Variants in BPNT2 observed in about 807,000 individuals in gnomAD.
BPNT2 encodes 3'(2'), 5'-bisphosphate nucleotidase 2, also known as Golgi-resident adenosine 3',5'-bisphosphate 3'-phosphatase.
In BPNT2, 11 loss-of-function variants were observed where a neutral mutation model predicts 29.3. The observed-to-expected ratio is 0.38, with a 90% confidence interval of 0.24 to 0.62. The LOEUF is 0.62. BPNT2 is among the 20% of genes least tolerant of loss of function. The pLI is 0.62. For missense variants in BPNT2, 459 were observed against 473.4 expected (o/e 0.97, Z 0.28); for synonymous variants, 195 against 187.7 (o/e 1.04, Z -0.32).
At position 56,988,923 on chromosome 8, in the gene BPNT2, C is replaced by G. The variant is rs547534530; in HGVS notation, c.387+4276G>C. On this transcript the variant is annotated intron_variant, in intron 1 of 4. Coordinates refer to ENST00000262644, the MANE Select transcript of BPNT2 (RefSeq NM_017813.5). ...AAAATTCTTTCACTTCCTTCTACAT[C>G]TATCTTCTCTACAACCATAACCCTA... Among the ~76,000 whole-genome samples the G allele has an allele frequency of 5.3e-5, 8 of 152,232 alleles. No homozygotes were observed. In the South Asian group the frequency reaches 1.5e-3, roughly 28 times the overall value.
At chr8:56,981,094 C>A (rs113396331) in intron 1 of BPNT2, among the ~76,000 whole-genome samples, 95 of 152,118 alleles carry the variant, frequency 6.2e-4, no homozygotes, top group African/African-American at 2.2e-3. Context: ...GCATCCCTGG[C>A]TGAATGCCAC....
At chr8:56,978,862 G>A (rs1337902125) in intron 2 of BPNT2, among the ~76,000 whole-genome samples, 1 of 152,098 alleles carries the variant, frequency 6.6e-6, no homozygotes, top group Non-Finnish European at 1.5e-5. Flanking sequence ...ACACATAGAG[G>A]GGAACACCAC....
intron 1 of BPNT2, among the ~76,000 whole-genome samples, chr8:56,985,146 G>A (rs1033516799): frequency 4.0e-5 from 6 of 151,778 alleles, no homozygotes; most frequent in Non-Finnish European, 7.4e-5. Flanking sequence ...CAGAAACCAC[G>A]TTACTTGTTT....
Position 56,978,695 on chromosome 8 carries a change from G to A in BPNT2, c.551-550C>T, listed in dbSNP as rs531025595. On this transcript the variant is annotated intron_variant, in intron 2 of 4. Transcript: ENST00000262644. ...AAAAAAAATGTGGTACATATACACC[G>A]TGCAATACTATGCAGCCATAAAAAA... Among the ~76,000 whole-genome samples, 141 of 151,502 alleles carry A rather than the reference G, an allele frequency of 9.3e-4. 1 individual carries two copies. The highest frequency in any genetic ancestry group is 3.3e-3 in the African/African-American group (137 of 41,284).
At chr8:56,972,434 A>G (rs1021361579) in intron 3 of BPNT2, among the ~76,000 whole-genome samples, 1 of 149,746 alleles carries the variant, frequency 6.7e-6, no homozygotes, top group Non-Finnish European at 1.5e-5. Flanking sequence ...TAATTGTGGG[A>G]AAAAAAAAAC....
intron 1 of BPNT2, among the ~76,000 whole-genome samples, chr8:56,983,677 T>C (rs924695272): frequency 6.6e-6 from 1 of 152,162 alleles, no homozygotes; most frequent in African/African-American, 2.4e-5. Context: ...AAGTTGATTA[T>C]TGAGCACTGA....
chr8:56,993,361 G>A lies in BPNT2; in HGVS notation c.225C>T (p.Val75=), dbSNP rs530470175. The A allele has an allele frequency of 3.1e-6, 5 of 1,610,222 alleles. No individual in the cohort carries two copies. The highest frequency in any genetic ancestry group is 1.3e-5 in the African/African-American group (1 of 75,016). Residue 75 remains valine, a synonymous_variant, in exon 1 of 5, where the codon GTC becomes GTT. Coordinates refer to ENST00000262644, the MANE Select transcript of BPNT2 (RefSeq NM_017813.5). ...EMLAVSVLAA[V]RGGDEVRRVR... ...CGCGCCTCACCTCGTCGCCGCCGCG[G>A]ACTGCGGCCAGCACTGACACAGCCA...
At chr8:56,983,403 T>C (rs1452717760) in intron 1 of BPNT2, among the ~76,000 whole-genome samples, 2 of 152,124 alleles carry the variant, frequency 1.3e-5, no homozygotes, top group Non-Finnish European at 2.9e-5. Context: ...GGAATGTGCC[T>C]GGTGTGTTCA....
At chr8:56,985,780 C>T (rs1806318050) in intron 1 of BPNT2, among the ~76,000 whole-genome samples, 1 of 152,204 alleles carries the variant, frequency 6.6e-6, no homozygotes, top group Admixed American at 6.5e-5. Context: ...TCTTTTCCTT[C>T]CTGAACATCT....
chr8:56,985,501 C>T (rs1806313724), intron 1 of BPNT2, among the ~76,000 whole-genome samples: 1 of 152,024 alleles, frequency 6.6e-6, no homozygotes, highest in South Asian at 2.1e-4. Context: ...CCAAAGAAGC[C>T]CATTATGGTG....
chr8:56,973,635 C>A (rs958879651), intron 3 of BPNT2, among the ~76,000 whole-genome samples: 1 of 152,068 alleles, frequency 6.6e-6, no homozygotes, highest in Non-Finnish European at 1.5e-5. Flanking sequence ...GACACCACAC[C>A]AGAGGATTAA....
intron 1 of BPNT2, among the ~76,000 whole-genome samples, chr8:56,992,724 A>G (rs1019367873): frequency 1.2e-3 from 134 of 114,892 alleles, no homozygotes; most frequent in African/African-American, 4.1e-3. Flanking sequence ...GCACACACGC[A>G]CACACAAATG....
Position 56,960,699 on chromosome 8 carries a change from T to C in BPNT2, c.*3094A>G, listed in dbSNP as rs907621563. 3 of 152,172 alleles carry C rather than the reference T, an allele frequency of 2.0e-5. No homozygotes were observed. Among genetic ancestry groups the C allele is most frequent in the African/African-American group, 4.8e-5 (2 of 41,432 alleles). 9.4% of individuals were successfully genotyped at this position (152,172 alleles called of 1,614,324 possible). Reference sequence around the variant, plus strand: ...GCAAGTTTCCTCAAGCATGCATATCTACCCAACTCTCTTGTATTTTTTTTT... The same window carrying C: ...GCAAGTTTCCTCAAGCATGCATATCCACCCAACTCTCTTGTATTTTTTTTT... On this transcript the variant is annotated 3_prime_UTR_variant, in exon 5 of 5. Transcript: ENST00000262644.
At chr8:56,965,235 C>T (rs568542602) in intron 4 of BPNT2, among the ~76,000 whole-genome samples, 66 of 152,262 alleles carry the variant, frequency 4.3e-4, no homozygotes, top group African/African-American at 1.0e-3. Context: ...ACGAAAATCA[C>T]CTGAGCCCAG....
intron 3 of BPNT2, among the ~76,000 whole-genome samples, chr8:56,975,616 T>G (rs186088796): frequency 6.6e-6 from 1 of 152,320 alleles, no homozygotes; most frequent in East Asian, 1.9e-4. Context: ...TAGAGTAACA[T>G]TTTGAACTTA....
chr8:56,960,484 T>G lies in BPNT2; in HGVS notation c.*3309A>C, dbSNP rs1805814311. On this transcript the variant is annotated 3_prime_UTR_variant, in exon 5 of 5. Transcript: ENST00000262644. ...CAAGAGGAATTTGCACAACTGTTAC[T>G]TAAAACATACAAACCAAAATGTTTT... 6.6e-6 allele frequency: 1 copy of G among 152,236 alleles called. No individual in the cohort carries two copies. Among genetic ancestry groups the G allele is most frequent in the Non-Finnish European group, 1.5e-5 (1 of 68,050 alleles). The allele number at this position is 152,236 out of a possible 1,614,324, so 9.4% of individuals were successfully genotyped here. A position where few individuals can be genotyped will look rare whatever the true frequency, so the allele number is the denominator to read the frequency against.
chr8:56,971,789 C>CG lies in BPNT2; in HGVS notation c.647-5438_647-5437insC, dbSNP rs1554539103. ...CTGAAATAATTTTGTACCACCCCCCCCCCCACAATGCTACTGTGTGGGCCC... is the reference window on the plus strand; with the variant it reads ...CTGAAATAATTTTGTACCACCCCCCCGCCCCACAATGCTACTGTGTGGGCCC... On this transcript the variant is annotated intron_variant, in intron 3 of 4. Transcript: ENST00000262644. Among the ~76,000 whole-genome samples the CG allele has an allele frequency of 2.1e-5, 3 of 142,124 alleles. 1 individual carries two copies. Among genetic ancestry groups the CG allele is most frequent in the African/African-American group, 8.3e-5 (3 of 36,308 alleles). The allele number at this position is 142,124 out of a possible 152,430, so 93.2% of individuals were successfully genotyped here.
Position 56,993,283 on chromosome 8 carries a change from T to C in BPNT2, c.303A>G (p.Gly101=). Reference sequence around the variant, plus strand: ...CGCCGCTGGTCATCTTGTCCTCGGCTCCCTCGCGCGTCTTCCCCTTGGACT... The same window carrying C: ...CGCCGCTGGTCATCTTGTCCTCGGCCCCCTCGCGCGTCTTCCCCTTGGACT... The part of the protein sequence containing the change: ...HEKSKGKTRE[G]AEDKMTSGDV... Residue 101 remains glycine, a synonymous_variant, in exon 1 of 5, where the codon GGA becomes GGG. Coordinates refer to ENST00000262644, the MANE Select transcript of BPNT2 (RefSeq NM_017813.5). The C allele has an allele frequency of 6.2e-7, 1 of 1,611,724 alleles. No individual in the cohort carries two copies. Among genetic ancestry groups the C allele is most frequent in the Non-Finnish European group, 8.5e-7 (1 of 1,179,952 alleles).
chr8:56,979,965 A>G, intron 2 of BPNT2, 70 bp downstream of exon 2: 1 of 1,412,004 alleles, frequency 7.1e-7, no homozygotes. Context: ...ACCTATAGGA[A>G]GTATGCCTTG....
Sources: allele counts gnomAD v4.1 joint callset (sites outside exome capture counted in the v4.1 genomes callset), GRCh38; gene constraint gnomAD v4.1.1; transcripts MANE v1.5; gene names NCBI Gene and HGNC (gene_info 2026-07-23, HGNC 2026-07-21).